TMEM132D: variants seen among roughly 807,000 people sequenced by gnomAD.
TMEM132D encodes the protein mature OL transmembrane protein.
Under a neutral mutation model 62.3 loss-of-function variants are expected in TMEM132D, and 21 were observed. That is an observed-to-expected ratio of 0.34 (90% CI 0.24 to 0.49). The LOEUF (loss-of-function observed/expected upper bound fraction) is 0.49, where lower values mean the gene tolerates loss of function less well. Ranked by LOEUF, TMEM132D falls within the 20% of genes least tolerant of loss-of-function variation. The pLI, the probability that TMEM132D is intolerant of heterozygous loss-of-function variation, is 0.99. For missense variants in TMEM132D, 1,346 were observed against 1,402.8 expected (o/e 0.96, Z 0.65); for synonymous variants, 621 against 575.6 (o/e 1.08, Z -1.13).
intron 2 of TMEM132D, among the ~76,000 whole-genome samples, chr12:129,640,593 G>A (rs1273310102): frequency 6.6e-6 from 1 of 152,150 alleles, no homozygotes; most frequent in East Asian, 1.9e-4. Flanking sequence ...AATCTAGGAG[G>A]GACCTGGAGA....
intron 4 of TMEM132D, among the ~76,000 whole-genome samples, chr12:129,296,037 T>G (rs1881564570): frequency 6.6e-6 from 1 of 151,584 alleles, no homozygotes; most frequent in Non-Finnish European, 1.5e-5. Context: ...TATATGAACA[T>G]GCACACACAT....
chr12:129,145,889 T>A (rs1239849539), intron 5 of TMEM132D, among the ~76,000 whole-genome samples: 4 of 152,134 alleles, frequency 2.6e-5, no homozygotes, highest in Non-Finnish European at 5.9e-5. Flanking sequence ...TCCTCATCTC[T>A]CTTTTCCACT....
intron 4 of TMEM132D, among the ~76,000 whole-genome samples, chr12:129,238,947 C>A (rs943942010): frequency 6.6e-6 from 1 of 151,376 alleles, no homozygotes; most frequent in African/African-American, 2.4e-5. Context: ...ACCAATAGTG[C>A]ACAAGACTTT....
chr12:129,105,265 T>C (rs1167504060), intron 5 of TMEM132D, among the ~76,000 whole-genome samples: 1 of 144,702 alleles, frequency 6.9e-6, no homozygotes, highest in African/African-American at 2.7e-5. Flanking sequence ...AAATTGGAAA[T>C]CATCATTCTC....
chr12:129,762,541 C>A (rs916810625), intron 1 of TMEM132D, among the ~76,000 whole-genome samples: 10 of 152,006 alleles, frequency 6.6e-5, no homozygotes, highest in African/African-American at 1.5e-4. Context: ...CAGGTAGACT[C>A]ATTTTAAGGG....
chr12:129,127,104 C>T (rs375852620), intron 5 of TMEM132D, among the ~76,000 whole-genome samples: 1 of 152,220 alleles, frequency 6.6e-6, no homozygotes, highest in South Asian at 2.1e-4. Flanking sequence ...AGCGAGAGAG[C>T]GGGATTCATC....
At chr12:129,886,881 C>T (rs1186699837) in intron 1 of TMEM132D, among the ~76,000 whole-genome samples, 2 of 152,174 alleles carry the variant, frequency 1.3e-5, no homozygotes, top group Non-Finnish European at 2.9e-5. Flanking sequence ...GCTTTTCCCC[C>T]TTTTGCTGGG....
chr12:129,674,295 GC>G (rs1374308335), intron 2 of TMEM132D, among the ~76,000 whole-genome samples: 1 of 152,120 alleles, frequency 6.6e-6, no homozygotes, highest in East Asian at 1.9e-4. Flanking sequence ...GTCCCTTCTG[GC>G]AAATAAAATG....
At chr12:129,628,911 T>A (rs1403878321) in intron 2 of TMEM132D, among the ~76,000 whole-genome samples, 1 of 151,744 alleles carries the variant, frequency 6.6e-6, no homozygotes, top group Non-Finnish European at 1.5e-5. Context: ...TCTTCCTTCC[T>A]TCATTTCTAT....
At chr12:129,287,175 G>A (rs1249855879) in intron 4 of TMEM132D, among the ~76,000 whole-genome samples, 1 of 152,150 alleles carries the variant, frequency 6.6e-6, no homozygotes, top group Non-Finnish European at 1.5e-5. Flanking sequence ...CTCAAAAAAA[G>A]CATGGTGGCA....
intron 3 of TMEM132D, among the ~76,000 whole-genome samples, chr12:129,423,895 T>G (rs566190858): frequency 6.6e-6 from 1 of 152,288 alleles, no homozygotes; most frequent in East Asian, 1.9e-4. Context: ...ACAAAGAAAT[T>G]ATAAATCTTA....
chr12:129,290,240 T>G (rs1407815291), intron 4 of TMEM132D, among the ~76,000 whole-genome samples: 1 of 152,124 alleles, frequency 6.6e-6, no homozygotes. Flanking sequence ...CTGGAAGCCA[T>G]GCACTGAGGT....
intron 3 of TMEM132D, among the ~76,000 whole-genome samples, chr12:129,384,588 A>G (rs994413198): frequency 2.0e-5 from 3 of 151,592 alleles, no homozygotes; most frequent in African/African-American, 7.3e-5. Context: ...GCATTATTTT[A>G]GAAGGGAAAG....
intron 3 of TMEM132D, among the ~76,000 whole-genome samples, chr12:129,400,710 T>C (rs962700045): frequency 6.6e-6 from 1 of 152,196 alleles, no homozygotes; most frequent in Admixed American, 6.5e-5. Context: ...AAAAAGAGAG[T>C]TGTAAAATTT....
At chr12:129,177,150 A>T (rs1259180944) in intron 5 of TMEM132D, among the ~76,000 whole-genome samples, 2 of 152,236 alleles carry the variant, frequency 1.3e-5, no homozygotes, top group Admixed American at 6.5e-5. Flanking sequence ...AAATATTTAT[A>T]AGTGGAATTA....
chr12:129,419,356 C>A (rs1457444416), intron 3 of TMEM132D, among the ~76,000 whole-genome samples: 1 of 152,106 alleles, frequency 6.6e-6, no homozygotes, highest in Non-Finnish European at 1.5e-5. Flanking sequence ...TCCATGGGAC[C>A]TCCTGCAAGA....
chr12:129,690,845 T>A (rs1244756931), intron 2 of TMEM132D, among the ~76,000 whole-genome samples: 1 of 152,124 alleles, frequency 6.6e-6, no homozygotes, highest in Non-Finnish European at 1.5e-5. Context: ...ATCAACTTGA[T>A]CTAATTGACA....
At chr12:129,859,256 C>T (rs1056649269) in intron 1 of TMEM132D, among the ~76,000 whole-genome samples, 1 of 152,196 alleles carries the variant, frequency 6.6e-6, no homozygotes. Flanking sequence ...TAGACATAGA[C>T]CCCTGCTGTT....
intron 3 of TMEM132D, among the ~76,000 whole-genome samples, chr12:129,450,479 T>G (rs1169350447): frequency 6.6e-6 from 1 of 152,204 alleles, no homozygotes; most frequent in Non-Finnish European, 1.5e-5. Flanking sequence ...GTTTCAATGA[T>G]GCTTGGATTT....
Sources: allele counts gnomAD v4.1 joint callset (sites outside exome capture counted in the v4.1 genomes callset), GRCh38; gene constraint gnomAD v4.1.1; transcripts MANE v1.5; gene names NCBI Gene and HGNC (gene_info 2026-07-23, HGNC 2026-07-21).